CATSPERE: variants seen among roughly 807,000 people sequenced by gnomAD.
The protein encoded by CATSPERE is catsper channel auxiliary subunit epsilon.
CATSPERE carries 93 observed loss-of-function variants against 114.1 expected under a neutral mutation model. That is an observed-to-expected ratio of 0.81 (90% CI 0.69 to 0.97). CATSPERE has a LOEUF of 0.97. CATSPERE is among the 50% of genes least tolerant of loss of function. The pLI, the probability that CATSPERE is intolerant of heterozygous loss-of-function variation, is 0.00. For missense variants in CATSPERE, 1,058 were observed against 1,131.6 expected, an observed-to-expected ratio of 0.93 and a Z score of 0.93; for synonymous variants, 341 against 384.1, an observed-to-expected ratio of 0.89 and a Z score of 1.31.
At chr1:244,456,209 A>G (rs1666149732) in intron 1 of CATSPERE, among the ~76,000 whole-genome samples, 1 of 151,968 alleles carries the variant, frequency 6.6e-6, no homozygotes, top group Non-Finnish European at 1.5e-5. Flanking sequence ...CTTCTCTCGA[A>G]GTATTTCCGT....
chr1:244,499,587 T>C (rs919156051), intron 7 of CATSPERE, among the ~76,000 whole-genome samples: 1 of 148,224 alleles, frequency 6.7e-6, no homozygotes, highest in Non-Finnish European at 1.5e-5. Flanking sequence ...AGTAAGAACA[T>C]GTGGTGTTTG....
upstream of CATSPERE, chr1:244,451,605 G>A (rs778015223): frequency 6.9e-6 from 11 of 1,583,080 alleles, no homozygotes; most frequent in South Asian, 1.2e-4. This position sits in a 1 kb window ranked among gnomAD's most constrained non-coding sequence, Gnocchi z 6.6. Flanking sequence ...TCCCGGGCCC[G>A]GCTTCCCATG....
At chr1:244,537,856 T>G (rs1196285478) in intron 8 of CATSPERE, among the ~76,000 whole-genome samples, 1 of 152,218 alleles carries the variant, frequency 6.6e-6, no homozygotes, top group East Asian at 1.9e-4. Flanking sequence ...TCTATAAGTA[T>G]CCATTAAATC....
At chr1:244,453,342 T>C (rs971841182), upstream of CATSPERE, among the ~76,000 whole-genome samples, 3 of 152,236 alleles carry the variant, frequency 2.0e-5, no homozygotes, top group Non-Finnish European at 4.4e-5. Context: ...ATTCAATTTT[T>C]TAAAATCATT....
chr1:244,621,324 A>ATATATATATATC, intron 20 of CATSPERE, among the ~76,000 whole-genome samples: 1 of 6,634 alleles, frequency 1.5e-4, no homozygotes. Context: ...AAATATATAT[A>ATATATATATATC]TATATATATA....
chr1:244,463,848 A>G (rs1241613072), intron 1 of CATSPERE, 60 bp from the exon 2 acceptor site: 2 of 1,395,248 alleles, frequency 1.4e-6, no homozygotes, highest in Non-Finnish European at 2.0e-6. Context: ...CATGTAGAGA[A>G]TCCTCATATT....
intron 2 of CATSPERE, among the ~76,000 whole-genome samples, chr1:244,477,054 G>A (rs1339387444): frequency 1.3e-5 from 2 of 152,110 alleles, no homozygotes; most frequent in African/African-American, 4.8e-5. Context: ...GGAGTACAAT[G>A]ACGTGATGTC....
At chr1:244,484,919 G>A (rs910965999) in intron 5 of CATSPERE, among the ~76,000 whole-genome samples, 2 of 152,070 alleles carry the variant, frequency 1.3e-5, no homozygotes, top group Non-Finnish European at 2.9e-5. Context: ...TATGATTATA[G>A]GTTGCTTGCT....
intron 19 of CATSPERE, among the ~76,000 whole-genome samples, chr1:244,610,922 G>A (rs1324184549): frequency 3.3e-5 from 5 of 151,814 alleles, no homozygotes; most frequent in Non-Finnish European, 1.5e-5. Flanking sequence ...CACCACGCCT[G>A]GCTAATTTTT....
At chr1:244,581,093 T>C (rs539676108) in intron 11 of CATSPERE, among the ~76,000 whole-genome samples, 4 of 151,860 alleles carry the variant, frequency 2.6e-5, no homozygotes, top group African/African-American at 9.7e-5. Context: ...TAGCTAAGCT[T>C]TGTCTATTTT....
intron 9 of CATSPERE, among the ~76,000 whole-genome samples, chr1:244,553,070 T>C (rs1660907464): frequency 6.6e-6 from 1 of 152,156 alleles, no homozygotes; most frequent in Non-Finnish European, 1.5e-5. Flanking sequence ...TTTACCTTGA[T>C]ATGGGCAAAA....
intron 5 of CATSPERE, among the ~76,000 whole-genome samples, chr1:244,489,564 C>T (rs1262972381): frequency 4.9e-5 from 7 of 142,594 alleles, no homozygotes; most frequent in African/African-American, 1.6e-4. Flanking sequence ...CTCAAATTCT[C>T]AGGCTGGCTA....
chr1:244,479,784 G>C lies in CATSPERE; in HGVS notation c.326G>C (p.Arg109Thr), dbSNP rs1669969378. Residue 109 changes from arginine to threonine, a missense_variant and splice_region_variant, in exon 5 of 22, where the codon AGA becomes ACA. Transcript: ENST00000366534. ...HTCFLWYYRV[R>T]HFFNNFTQLI... ...TGCTTTCTGTGGTACTATAGAGTTAGGTAAGTAATGCAGTACTGAATAGGT... is the reference window on the plus strand; with the variant it reads ...TGCTTTCTGTGGTACTATAGAGTTACGTAAGTAATGCAGTACTGAATAGGT... 3 of 1,555,496 alleles carry C rather than the reference G, an allele frequency of 1.9e-6. No individual in the cohort carries two copies. In the African/African-American group the frequency reaches 4.1e-5, roughly 21 times the overall value.
At chr1:244,468,202 T>A (rs1247610572) in intron 2 of CATSPERE, among the ~76,000 whole-genome samples, 1 of 151,900 alleles carries the variant, frequency 6.6e-6, no homozygotes, top group Non-Finnish European at 1.5e-5. Flanking sequence ...AAGCAATTCT[T>A]CTGCCTCAGC....
rs1558609954 is a variant in CATSPERE, at chr1:244,621,148, A to AGATATAT, written c.2648+3462_2648+3463insGATATAT. 3.9e-4 allele frequency among the ~76,000 whole-genome samples: 25 copies of AGATATAT among 64,814 alleles called. 3 individuals carry two copies. The highest frequency in any genetic ancestry group is 8.1e-4 in the South Asian group (2 of 2,472). 42.5% of individuals were successfully genotyped at this position (64,814 alleles called of 152,430 possible). A position where few individuals can be genotyped will look rare whatever the true frequency, so the allele number is the denominator to read the frequency against. ...ATATAAATATATATAAAATATATAT[A>AGATATAT]TTATAAAATATATATATTATATATA... On this transcript the variant is annotated intron_variant, in intron 20 of 21. Coordinates refer to ENST00000366534, the MANE Select transcript of CATSPERE (RefSeq NM_001130957.2).
intron 7 of CATSPERE, among the ~76,000 whole-genome samples, chr1:244,502,633 C>T (rs1674233614): frequency 6.6e-6 from 1 of 152,128 alleles, no homozygotes; most frequent in African/African-American, 2.4e-5. Context: ...TCTGCCTGTT[C>T]ACTCCTTCGA....
chr1:244,553,836 C>A (rs1033140455), intron 9 of CATSPERE, among the ~76,000 whole-genome samples: 17 of 152,046 alleles, frequency 1.1e-4, no homozygotes, highest in African/African-American at 3.4e-4. Flanking sequence ...ACGCACCCCT[C>A]TCCTTCCCAG....
At chr1:244,528,140 A>G (rs967175308) in intron 8 of CATSPERE, among the ~76,000 whole-genome samples, 1 of 152,054 alleles carries the variant, frequency 6.6e-6, no homozygotes, top group South Asian at 2.1e-4. Flanking sequence ...TTCCCTGCAT[A>G]TGTTGTTCCC....
chr1:244,481,343 C>T (rs1161905409), intron 5 of CATSPERE, among the ~76,000 whole-genome samples: 3 of 151,972 alleles, frequency 2.0e-5, no homozygotes, highest in Non-Finnish European at 2.9e-5. Context: ...CCCAGCTACT[C>T]GGGAGGCTGA....
Sources: gnomAD v4.1 joint callset for allele counts (sites outside exome capture counted in the v4.1 genomes callset) on GRCh38, gnomAD v4.1.1 for gene constraint, Gnocchi (gnomAD v3.1) non-coding constraint, MANE v1.5 for transcripts, NCBI Gene and HGNC (gene_info 2026-07-23, HGNC 2026-07-21) for gene names.